QSER1: variants seen among roughly 807,000 people sequenced by gnomAD.
QSER1 encodes the protein glutamine and serine rich 1.
Under a neutral mutation model 158.5 loss-of-function variants are expected in QSER1, and 49 were observed. That is an observed-to-expected ratio of 0.31 (90% CI 0.25 to 0.39). The LOEUF (loss-of-function observed/expected upper bound fraction) is 0.39. Ranked by LOEUF, QSER1 falls within the 10% of genes least tolerant of loss-of-function variation. The pLI is 1.00. For synonymous variants in QSER1, 650 were observed against 715.5 expected, an observed-to-expected ratio of 0.91 and a Z score of 1.46; for missense variants, 1,754 against 2,010.3, an observed-to-expected ratio of 0.87 and a Z score of 2.44.
chr11:32,975,518 T>A (rs1564951044), intron 12 of QSER1, 175 bp downstream of exon 12: 4 of 1,469,060 alleles, frequency 2.7e-6, no homozygotes, highest in Non-Finnish European at 3.6e-6. Flanking sequence ...CTGCTATGTT[T>A]TGTGCTCAGA....
At chr11:32,899,213 T>C (rs901022895) in intron 1 of QSER1, among the ~76,000 whole-genome samples, 1 of 152,234 alleles carries the variant, frequency 6.6e-6, no homozygotes, top group Non-Finnish European at 1.5e-5. Context: ...CCATGGCATA[T>C]AGTTGGTGCT....
rs1851984424 is a variant in QSER1 at position 32,927,264 on chromosome 11, C to T, written c.317C>T (p.Pro106Leu). 2 of 152,562 alleles carry T rather than the reference C, an allele frequency of 1.3e-5. No homozygotes were observed. The highest frequency in any genetic ancestry group is 4.1e-4 in the South Asian group (2 of 4,830). The allele number at this position is 152,562 out of a possible 1,614,324, so 9.5% of individuals were successfully genotyped here. A position where few individuals can be genotyped will look rare whatever the true frequency, so the allele number is the denominator to read the frequency against. The change falls in exon 2 of 13, where the codon CCT becomes CTT. Residue 106 changes from proline (P) to leucine (L), a missense_variant. Transcript: ENST00000650167. ...QLPGYAPTPQ[P>L]TGLSGIFDTS... is the part of the protein sequence containing the mutation. ...CCTGGATATGCTCCCACACCTCAGC[C>T]TACTGGTAACAATTCTCTTGTGAAT...
chr11:32,958,712 T>C (rs560261979), intron 8 of QSER1, among the ~76,000 whole-genome samples: 1 of 152,260 alleles, frequency 6.6e-6, no homozygotes, highest in African/African-American at 2.4e-5. Context: ...AAGTTTATGC[T>C]AGAAGAAAAG....
At chr11:32,949,800 T>C (rs2133576189) in intron 4 of QSER1, among the ~76,000 whole-genome samples, 1 of 152,326 alleles carries the variant, frequency 6.6e-6, no homozygotes, top group South Asian at 2.1e-4. Flanking sequence ...TATAAATATA[T>C]GAGAATAGCT....
intron 1 of QSER1, among the ~76,000 whole-genome samples, chr11:32,897,522 A>C (rs1438980689): frequency 6.6e-6 from 1 of 151,972 alleles, no homozygotes; most frequent in Non-Finnish European, 1.5e-5. Context: ...TTTTCCTCCT[A>C]CTTTTCTGGC....
rs571294437 is a variant in QSER1, at chr11:32,969,646, T to G, written c.5205+503T>G. Among the ~76,000 whole-genome samples the G allele has an allele frequency of 2.0e-5, 3 of 152,002 alleles. No homozygotes were observed. In the South Asian group the frequency reaches 6.2e-4, roughly 31 times the overall value. ...CAGATAATTTTTCATAGAAGCTAACTTGGTAGTTTAAAAATTTCTAGCTTT... is the reference window on the plus strand; with the variant it reads ...CAGATAATTTTTCATAGAAGCTAACGTGGTAGTTTAAAAATTTCTAGCTTT... On this transcript the variant is annotated intron_variant, in intron 10 of 12. Transcript: ENST00000650167.
intron 10 of QSER1, among the ~76,000 whole-genome samples, chr11:32,972,415 T>TTATG (rs1852881588): frequency 9.3e-6 from 1 of 107,726 alleles, no homozygotes; most frequent in Non-Finnish European, 2.1e-5. Flanking sequence ...GCTTATTTAT[T>TTATG]TATTTATTTA....
chr11:32,970,447 G>C (rs1003550274), intron 10 of QSER1, among the ~76,000 whole-genome samples: 1 of 152,012 alleles, frequency 6.6e-6, no homozygotes, highest in African/African-American at 2.4e-5. Flanking sequence ...TTCTTTCGCC[G>C]AGGCTGGAGT....
chr11:32,970,946 C>CTGTTTTTTTT (rs1852841808), intron 10 of QSER1, among the ~76,000 whole-genome samples: 1 of 76,870 alleles, frequency 1.3e-5, no homozygotes. Context: ...AAGCAATTTG[C>CTGTTTTTTTT]TTTTTTTTTT....
Position 32,932,841 on chromosome 11 carries a change from AAGAGGTATTGTCTTC to A in QSER1, c.1586_1600del (p.Glu529_Ser533del). 1 of 1,614,088 alleles carries A rather than the reference AAGAGGTATTGTCTTC, an allele frequency of 6.2e-7. No homozygotes were observed. The highest frequency in any genetic ancestry group is 1.1e-5 in the South Asian group (1 of 91,076). On this transcript the variant is annotated inframe_deletion, in exon 4 of 13. Transcript: ENST00000650167. ...ACGCTTAATTATTCATCTAATCAGCAAGAGGTATTGTCTTCAGTTACAAATGAGAATTACCCTGCT... is the reference window on the plus strand; with the variant it reads ...ACGCTTAATTATTCATCTAATCAGCAAGTTACAAATGAGAATTACCCTGCT...
rs1163873090 is a variant in QSER1 at position 32,953,924 on chromosome 11, C to G, written c.4245C>G (p.Thr1415=). Residue 1415 remains threonine, a synonymous_variant, in exon 5 of 13, where the codon ACC becomes ACG. Transcript: ENST00000650167. ...CTGGTACTGCTACTACTTCCTCAAC[C>G]ACTGTGGGTGCAGTTAAGCAAGAAC... ...NTTGTATTSS[T]TVGAVKQEPL... is the part of the protein sequence containing the mutation. The G allele has an allele frequency of 6.2e-7, 1 of 1,614,160 alleles. No individual in the cohort carries two copies. Among genetic ancestry groups the G allele is most frequent in the Admixed American group, 1.7e-5 (1 of 60,022 alleles).
intron 8 of QSER1, among the ~76,000 whole-genome samples, chr11:32,961,490 C>T (rs1852623747): frequency 6.6e-6 from 1 of 152,088 alleles, no homozygotes; most frequent in Non-Finnish European, 1.5e-5. Context: ...TATAAATTTG[C>T]CTTTTTAACC....
rs1292223245 is a variant in QSER1, at chr11:32,932,177, A to T, written c.919A>T (p.Ile307Phe). The T allele has an allele frequency of 6.2e-7, 1 of 1,614,178 alleles. No homozygotes were observed. Among genetic ancestry groups the T allele is most frequent in the African/African-American group, 1.3e-5 (1 of 75,060 alleles). ...TCTCTTTACTAGTTCTACTGCTTCC[A>T]TTGAAAGAGCTCTTCTTCGAGAATG... ...STLFTSSTAS[I>F]ERALLRECSV... is the part of the protein sequence containing the mutation. The change falls in exon 4 of 13, where the codon ATT becomes TTT. Residue 307 changes from isoleucine (I) to phenylalanine (F), a missense_variant. By Grantham distance (21) the Ile-to-Phe change is conservative. Coordinates refer to ENST00000650167, the MANE Select transcript of QSER1 (RefSeq NM_001076786.3).
intron 1 of QSER1, among the ~76,000 whole-genome samples, chr11:32,912,638 G>GCC (rs1851782050): frequency 6.6e-6 from 1 of 152,282 alleles, no homozygotes; most frequent in East Asian, 1.9e-4. Flanking sequence ...GCCAGGCAAA[G>GCC]TGGCTCACGC....
At chr11:32,940,342 G>A (rs895107274) in intron 4 of QSER1, among the ~76,000 whole-genome samples, 2 of 152,128 alleles carry the variant, frequency 1.3e-5, no homozygotes, top group African/African-American at 2.4e-5. Context: ...GTTTTGCTTA[G>A]GGACTATCAT....
intron 4 of QSER1, among the ~76,000 whole-genome samples, chr11:32,944,386 T>G (rs1564939130): frequency 1.3e-5 from 2 of 149,116 alleles, no homozygotes. Flanking sequence ...GCTATAAATT[T>G]CCCTCTACAC....
In QSER1 at chr11:32,893,871, C is replaced by T. The variant is rs1326874992; in HGVS notation, c.209+537C>T. Among the ~76,000 whole-genome samples, 1 of 152,090 alleles carries T rather than the reference C, an allele frequency of 6.6e-6. No homozygotes were observed. The highest frequency in any genetic ancestry group is 1.5e-5 in the Non-Finnish European group (1 of 67,996). ...ACGGGAGAATCCCCGGGGCGCAGGG[C>T]AGAAGAGGGGGCCCGGCAGGGCGCG... On this transcript the variant is annotated intron_variant, in intron 1 of 12. Coordinates refer to ENST00000650167, the MANE Select transcript of QSER1 (RefSeq NM_001076786.3). This position sits in a 1 kb window ranked among gnomAD's most constrained non-coding sequence, Gnocchi z 4.7.
chr11:32,931,624 G>A, intron 3 of QSER1, 119 bp from the exon 4 acceptor site: 1 of 709,736 alleles, frequency 1.4e-6, no homozygotes, highest in African/African-American at 1.8e-5. Context: ...GAACTAACTG[G>A]TCAGGTTTTT....
intron 1 of QSER1, among the ~76,000 whole-genome samples, chr11:32,898,557 G>A (rs965069439): frequency 1.5e-4 from 23 of 151,420 alleles, no homozygotes; most frequent in Admixed American, 1.1e-3. Context: ...ATGGCTCTGC[G>A]TTTACTGACC....
Sources: allele counts gnomAD v4.1 joint callset (sites outside exome capture counted in the v4.1 genomes callset), GRCh38; gene constraint gnomAD v4.1.1; non-coding constraint Gnocchi (gnomAD v3.1); transcripts MANE v1.5; gene names NCBI Gene and HGNC (gene_info 2026-07-23, HGNC 2026-07-21).